Variants in SUMF1 observed in about 807,000 individuals in gnomAD.
The protein encoded by SUMF1 is formylglycine-generating enzyme.
A neutral mutation model predicts 47.6 loss-of-function variants in SUMF1; 48 were observed. The ratio of observed to expected loss-of-function variants is 1.01; its 90% CI spans 0.80 to 1.28. The LOEUF (loss-of-function observed/expected upper bound fraction) is 1.28, where lower values mean the gene tolerates loss of function less well. SUMF1 is among the 50% of genes most tolerant of loss of function. The pLI is 0.00. For missense variants in SUMF1, 571 were observed against 485.4 expected (o/e 1.18, Z -1.66); for synonymous variants, 230 against 192.1 (o/e 1.20, Z -1.63).
At chr3:4,251,931 C>G (rs537307784) in intron 8 of SUMF1, among the ~76,000 whole-genome samples, 61 of 152,060 alleles carry the variant, frequency 4.0e-4, no homozygotes, top group Non-Finnish European at 7.4e-4. Context: ...CTTAACAGAC[C>G]TACAGTAGTG....
At chr3:4,426,170 T>A (rs372515288) in intron 3 of SUMF1, among the ~76,000 whole-genome samples, 1 of 152,174 alleles carries the variant, frequency 6.6e-6, no homozygotes, top group Non-Finnish European at 1.5e-5. Flanking sequence ...TCCACATTCC[T>A]CAACCTCCAA....
intron 1 of SUMF1, among the ~76,000 whole-genome samples, chr3:4,458,643 C>G (rs13079514): frequency 1.8e-3 from 267 of 152,280 alleles, no homozygotes; most frequent in Middle Eastern, 6.8e-3. Flanking sequence ...ATCATGAGGT[C>G]AGGAGATCAA....
chr3:4,295,697 TTATA>T (rs539139006), intron 8 of SUMF1, among the ~76,000 whole-genome samples: 1 of 152,188 alleles, frequency 6.6e-6, no homozygotes, highest in Non-Finnish European at 1.5e-5. Flanking sequence ...ATATTGCAGG[TTATA>T]TAAATACATA....
At chr3:4,447,934 A>C (rs1472957228) in intron 3 of SUMF1, among the ~76,000 whole-genome samples, 2 of 152,172 alleles carry the variant, frequency 1.3e-5, no homozygotes, top group Non-Finnish European at 2.9e-5. Context: ...TTACAAAAAT[A>C]AGCGCAAACG....
At chr3:4,257,431 A>G (rs1415804799) in intron 8 of SUMF1, among the ~76,000 whole-genome samples, 1 of 148,418 alleles carries the variant, frequency 6.7e-6, no homozygotes, top group East Asian at 2.0e-4. Context: ...TACAAAATCA[A>G]TGTACAAAAA....
intron 8 of SUMF1, among the ~76,000 whole-genome samples, chr3:4,158,574 GTCTA>G (rs1404637971): frequency 2.0e-5 from 3 of 151,406 alleles, no homozygotes; most frequent in Non-Finnish European, 2.9e-5. Flanking sequence ...TTGTATTGGG[GTCTA>G]TCTCTCTCTT....
chr3:4,194,784 G>C (rs1240647909), intron 8 of SUMF1, among the ~76,000 whole-genome samples: 1 of 152,066 alleles, frequency 6.6e-6, no homozygotes, highest in Non-Finnish European at 1.5e-5. Context: ...AACTATGTAA[G>C]CACCCATTAA....
intron 8 of SUMF1, among the ~76,000 whole-genome samples, chr3:4,108,131 G>C (rs1205375413): frequency 6.6e-6 from 1 of 152,072 alleles, no homozygotes; most frequent in Non-Finnish European, 1.5e-5. Flanking sequence ...TTGTGTTTTT[G>C]TTCTCATTAG....
rs1428367946 is a variant in SUMF1 at position 4,376,275 on chromosome 3, C to T, written c.1014+55G>A. 5 of 1,591,220 alleles carry T rather than the reference C, an allele frequency of 3.1e-6. No individual in the cohort carries two copies. The Admixed American group carries it at 8.3e-5, about 27-fold the overall frequency. On this transcript the variant is annotated intron_variant, in intron 8 of 8. Transcript: ENST00000272902. ...TTTGGGGCTATCATTTACAATGGATCCATAAAACTGCTATCAGAACAAGAA... is the reference window on the plus strand; with the variant it reads ...TTTGGGGCTATCATTTACAATGGATTCATAAAACTGCTATCAGAACAAGAA...
chr3:4,303,136 C>T (rs951261134), intron 8 of SUMF1, among the ~76,000 whole-genome samples: 2 of 152,210 alleles, frequency 1.3e-5, no homozygotes, highest in African/African-American at 4.8e-5. Context: ...TAAAGCACCT[C>T]ACTTTGTTTC....
At chr3:4,135,004 C>T (rs1340046389) in intron 8 of SUMF1, among the ~76,000 whole-genome samples, 2 of 152,090 alleles carry the variant, frequency 1.3e-5, no homozygotes, top group South Asian at 2.1e-4. Flanking sequence ...AATAAAAGTC[C>T]AGGACCAGAT....
chr3:4,089,087 G>A (rs1043770880), intron 8 of SUMF1, among the ~76,000 whole-genome samples: 1 of 151,928 alleles, frequency 6.6e-6, no homozygotes, highest in African/African-American at 2.4e-5. Flanking sequence ...CCCACACTGT[G>A]GAAGCTGGCA....
chr3:4,253,041 G>A (rs930635057), intron 8 of SUMF1, among the ~76,000 whole-genome samples: 2 of 152,114 alleles, frequency 1.3e-5, no homozygotes, highest in Non-Finnish European at 2.9e-5. Flanking sequence ...TTTTCCATAA[G>A]AGTTTTAAAT....
intron 8 of SUMF1, among the ~76,000 whole-genome samples, chr3:4,335,730 G>C (rs556440869): frequency 6.6e-6 from 1 of 152,062 alleles, no homozygotes; most frequent in Non-Finnish European, 1.5e-5. Flanking sequence ...AGATCACGAG[G>C]TCAGGAGTAC....
chr3:4,417,951 G>GTTGC (rs1023222097), intron 5 of SUMF1, 59 bp downstream of exon 5: 2 of 1,611,544 alleles, frequency 1.2e-6, no homozygotes, highest in African/African-American at 2.7e-5. Context: ...GTTTTTTGTT[G>GTTGC]TTGTTTGTTT....
At chr3:4,456,727 CGT>C (rs1311113739) in intron 1 of SUMF1, among the ~76,000 whole-genome samples, 700 of 49,824 alleles carry the variant, frequency 0.014, 40 homozygotes, top group East Asian at 0.031. Context: ...CATATATATA[CGT>C]GTGTATATAT....
intron 8 of SUMF1, among the ~76,000 whole-genome samples, chr3:4,162,634 C>T (rs1288187740): frequency 1.3e-5 from 2 of 152,162 alleles, no homozygotes; most frequent in Non-Finnish European, 2.9e-5. Flanking sequence ...GCATTGTCCT[C>T]CCACAAGCAT....
intron 7 of SUMF1, among the ~76,000 whole-genome samples, chr3:4,402,202 A>G (rs1701234344): frequency 6.6e-6 from 1 of 151,934 alleles, no homozygotes; most frequent in Admixed American, 6.6e-5. Context: ...AAAGAAGAAA[A>G]TCCTTTCACC....
chr3:4,218,674 G>C (rs549352532), intron 8 of SUMF1, among the ~76,000 whole-genome samples: 1 of 152,294 alleles, frequency 6.6e-6, no homozygotes, highest in Non-Finnish European at 1.5e-5. Flanking sequence ...CTTCGTGTGA[G>C]AGCATCAGTT....
Sources: allele counts gnomAD v4.1 joint callset (sites outside exome capture counted in the v4.1 genomes callset), GRCh38; gene constraint gnomAD v4.1.1; transcripts MANE v1.5; gene names NCBI Gene and HGNC (gene_info 2026-07-23, HGNC 2026-07-21).